FARP2: variants seen among roughly 807,000 people sequenced by gnomAD.
FARP2 encodes the protein FERM, ARH/RhoGEF and pleckstrin domain protein 2, also known as FERM, ARHGEF and pleckstrin domain-containing protein 2.
FARP2 carries 111 observed loss-of-function variants against 130.5 expected under a neutral mutation model. The observed-to-expected ratio is 0.85, with a 90% CI of 0.73 to 1.00. The LOEUF (loss-of-function observed/expected upper bound fraction) is 1.00. Ranked by LOEUF, FARP2 falls within the 50% of genes least tolerant of loss-of-function variation. FARP2 has a pLI of 0.00. For synonymous variants in FARP2, 504 were observed against 516.9 expected, an observed-to-expected ratio of 0.98 and a Z score of 0.34; for missense variants, 1,385 against 1,346.3, an observed-to-expected ratio of 1.03 and a Z score of -0.45.
intron 2 of FARP2, chr2:241,386,660 A>G (rs1343135461): frequency 6.6e-6 from 1 of 152,210 alleles, no homozygotes; most frequent in Non-Finnish European, 1.5e-5. Context: ...GGAACGTGGT[A>G]GAGATTCCAG....
intron 8 of FARP2, 23 bp downstream of exon 8, chr2:241,418,132 G>A (rs1248237389): frequency 3.1e-6 from 5 of 1,613,864 alleles, no homozygotes; most frequent in Admixed American, 1.7e-5. Flanking sequence ...GGAAGGGAGG[G>A]GTGAGAACAG....
chr2:241,397,609 ATT>A (rs2062061423), intron 2 of FARP2, among the ~76,000 whole-genome samples: 1 of 151,934 alleles, frequency 6.6e-6, no homozygotes, highest in Non-Finnish European at 1.5e-5. Context: ...TCAGGTGAGG[ATT>A]TAGGGAGGTA....
intron 2 of FARP2, among the ~76,000 whole-genome samples, chr2:241,380,006 C>A (rs961257151): frequency 6.6e-6 from 1 of 152,112 alleles, no homozygotes; most frequent in Non-Finnish European, 1.5e-5. Flanking sequence ...GCCAGCTCCC[C>A]CACCAAGCCC....
At chr2:241,359,291 A>G (rs963007566) in intron 1 of FARP2, among the ~76,000 whole-genome samples, 2 of 152,214 alleles carry the variant, frequency 1.3e-5, no homozygotes, top group African/African-American at 2.4e-5. Context: ...AAAAGGCCCT[A>G]TAATGTTGTA....
At chr2:241,447,583 T>G (rs2063541048) in intron 13 of FARP2, among the ~76,000 whole-genome samples, 1 of 152,156 alleles carries the variant, frequency 6.6e-6, no homozygotes, top group Non-Finnish European at 1.5e-5. Flanking sequence ...TATTGCCTGT[T>G]TTTTCCACAG....
At chr2:241,483,288 C>T (rs1253149393) in intron 19 of FARP2, among the ~76,000 whole-genome samples, 177 bp from the exon 20 acceptor site, 1 of 152,220 alleles carries the variant, frequency 6.6e-6, no homozygotes, top group African/African-American at 2.4e-5. Flanking sequence ...GACCTGGTGA[C>T]CAAGGGCACT....
At chr2:241,450,714 A>G (rs1315800666) in intron 13 of FARP2, among the ~76,000 whole-genome samples, 3 of 150,226 alleles carry the variant, frequency 2.0e-5, no homozygotes, top group African/African-American at 4.9e-5. Context: ...AATCCCAGCA[A>G]TTCGGGAGGC....
intron 2 of FARP2, among the ~76,000 whole-genome samples, chr2:241,392,258 A>G (rs536483778): frequency 2.4e-4 from 36 of 152,338 alleles, no homozygotes; most frequent in African/African-American, 8.7e-4. Flanking sequence ...TGGGGAGAGA[A>G]GGCCCTTCTT....
intron 13 of FARP2, among the ~76,000 whole-genome samples, chr2:241,453,194 G>T (rs935817405): frequency 6.6e-6 from 1 of 151,478 alleles, no homozygotes; most frequent in Non-Finnish European, 1.5e-5. Flanking sequence ...GCCGGGCATG[G>T]TGGCGTGCAT....
intron 18 of FARP2, among the ~76,000 whole-genome samples, chr2:241,474,480 G>A (rs2064403455): frequency 6.6e-6 from 1 of 150,524 alleles, no homozygotes; most frequent in Non-Finnish European, 1.5e-5. Context: ...GAAATAAGAG[G>A]GAGTCATGAT....
intron 21 of FARP2, among the ~76,000 whole-genome samples, chr2:241,487,415 C>G (rs1212546398): frequency 6.6e-6 from 1 of 152,124 alleles, no homozygotes; most frequent in Non-Finnish European, 1.5e-5. Context: ...CGTCTGTAAT[C>G]CCAGCACTTT....
chr2:241,408,860 G>A (rs1307869793), intron 5 of FARP2, among the ~76,000 whole-genome samples: 1 of 152,140 alleles, frequency 6.6e-6, no homozygotes, highest in Non-Finnish European at 1.5e-5. Context: ...CAAGGAAATG[G>A]AGAGACCACA....
At chr2:241,465,753 G>A (rs1574881151) in intron 17 of FARP2, 14 of 1,550,650 alleles carry the variant, frequency 9.0e-6, no homozygotes, top group South Asian at 4.8e-5. Context: ...CAGTGACGAC[G>A]ACGACTCAAG....
At chr2:241,480,636 A>G (rs1261357333) in intron 19 of FARP2, among the ~76,000 whole-genome samples, 1 of 152,070 alleles carries the variant, frequency 6.6e-6, no homozygotes, top group African/African-American at 2.4e-5. Context: ...TTATCAGCTT[A>G]TAGTTGAATG....
intron 13 of FARP2, among the ~76,000 whole-genome samples, chr2:241,455,019 C>G (rs1050835724): frequency 8.5e-5 from 13 of 152,206 alleles, no homozygotes; most frequent in African/African-American, 3.1e-4. Flanking sequence ...TGTTGAGTTG[C>G]TTATGCCAAC....
At chr2:241,453,323 C>A (rs2063721253) in intron 13 of FARP2, among the ~76,000 whole-genome samples, 1 of 149,476 alleles carries the variant, frequency 6.7e-6, no homozygotes, top group African/African-American at 2.5e-5. Flanking sequence ...GAGACTTTGT[C>A]TCAAAAAATG....
chr2:241,400,321 G>A (rs6706421), intron 2 of FARP2, among the ~76,000 whole-genome samples: 3 of 152,212 alleles, frequency 2.0e-5, no homozygotes, highest in Admixed American at 6.5e-5. Context: ...GAGCAGTGGT[G>A]GACAGTCCGG....
intron 14 of FARP2, 138 bp downstream of exon 14, chr2:241,457,060 C>T (rs2063865455): frequency 1.3e-6 from 1 of 741,728 alleles, no homozygotes; most frequent in Non-Finnish European, 2.1e-6. Flanking sequence ...TACCAGCCTC[C>T]TGAGCAGAGA....
intron 18 of FARP2, among the ~76,000 whole-genome samples, chr2:241,474,254 T>C (rs1488848579): frequency 2.3e-5 from 3 of 128,734 alleles, no homozygotes; most frequent in Non-Finnish European, 4.7e-5. Flanking sequence ...GAGCTTGCAG[T>C]GAGCCGAGAT....
Sources: allele counts gnomAD v4.1 joint callset (sites outside exome capture counted in the v4.1 genomes callset), GRCh38; gene constraint gnomAD v4.1.1; transcripts MANE v1.5; gene names NCBI Gene and HGNC (gene_info 2026-07-23, HGNC 2026-07-21).